The following JMJD1C variants were observed in gnomAD, a reference collection of about 807,000 sequenced individuals.
JMJD1C encodes jumonji domain containing 1C.
Under a neutral mutation model 245.3 loss-of-function variants are expected in JMJD1C, and 31 were observed. That is an observed-to-expected ratio of 0.13 (90% CI 0.09 to 0.17). The LOEUF is 0.17. Among genes scored for constraint, JMJD1C ranks in the 10% least tolerant of loss-of-function variants. The probability of loss-of-function intolerance (pLI) is 1.00; values close to 1 mark genes in which losing one functional copy is unlikely to be tolerated. For synonymous variants in JMJD1C, 1,057 were observed against 1,017.4 expected (o/e 1.04, Z -0.74); for missense variants, 2,691 against 3,000.2 (o/e 0.90, Z 2.41).
intron 3 of JMJD1C, among the ~76,000 whole-genome samples, chr10:63,263,213 C>T (rs1270909683): frequency 6.6e-6 from 1 of 152,028 alleles, no homozygotes; most frequent in Non-Finnish European, 1.5e-5. Flanking sequence ...AAACAAAGAA[C>T]AAAAGCTAAC....
intron 16 of JMJD1C, among the ~76,000 whole-genome samples, chr10:63,192,060 C>T (rs534278000): frequency 6.7e-6 from 1 of 149,702 alleles, no homozygotes; most frequent in East Asian, 2.0e-4. Context: ...ACTTCTAGTG[C>T]TCTGGTGGCT....
chr10:63,234,356 TTATGGTGCATGCCTG>T (rs1850395006), intron 3 of JMJD1C, among the ~76,000 whole-genome samples: 1 of 151,080 alleles, frequency 6.6e-6, no homozygotes, highest in African/African-American at 2.4e-5. Flanking sequence ...TAGGCAGGTG[TTATGGTGCATGCCTG>T]TAGTCCCAGC....
chr10:63,220,958 A>C (rs10761726), intron 3 of JMJD1C, among the ~76,000 whole-genome samples: 100,877 of 151,784 alleles, frequency 0.66, 36,119 homozygotes, highest in Non-Finnish European at 0.81. Flanking sequence ...AATACAAAAA[A>C]ATATTAGCTG....
At chr10:63,451,195 G>C (rs1230719275) in intron 1 of JMJD1C, among the ~76,000 whole-genome samples, 3 of 152,160 alleles carry the variant, frequency 2.0e-5, no homozygotes, top group Admixed American at 2.0e-4. Context: ...TAAGATATCA[G>C]CACTACCCAA....
intron 1 of JMJD1C, among the ~76,000 whole-genome samples, chr10:63,520,810 T>C (rs1955192801): frequency 6.6e-6 from 1 of 152,094 alleles, no homozygotes; most frequent in Admixed American, 6.5e-5. Context: ...AAACATGAAA[T>C]CCTCCTCTGT....
At chr10:63,411,958 C>G (rs1949513880) in intron 1 of JMJD1C, among the ~76,000 whole-genome samples, 1 of 148,524 alleles carries the variant, frequency 6.7e-6, no homozygotes, top group Non-Finnish European at 1.5e-5. Context: ...GCCATGTTGC[C>G]CAGACTGCTC....
intron 1 of JMJD1C, among the ~76,000 whole-genome samples, chr10:63,437,099 T>C (rs964187498): frequency 6.6e-6 from 1 of 152,178 alleles, no homozygotes; most frequent in Non-Finnish European, 1.5e-5. Flanking sequence ...CCAATCATCA[T>C]TAAATCCAAC....
At chr10:63,471,281 C>T (rs1020554379) in intron 1 of JMJD1C, among the ~76,000 whole-genome samples, 1 of 152,144 alleles carries the variant, frequency 6.6e-6, no homozygotes, top group African/African-American at 2.4e-5. Context: ...TGTATTAAAA[C>T]TATAAATGAA....
intron 2 of JMJD1C, among the ~76,000 whole-genome samples, chr10:63,266,265 T>C (rs1855560126): frequency 1.3e-5 from 2 of 152,128 alleles, no homozygotes; most frequent in African/African-American, 2.4e-5. Context: ...CTATTATTTA[T>C]CAAAATTACT....
At chr10:63,475,433 G>T (rs925011430) in intron 1 of JMJD1C, among the ~76,000 whole-genome samples, 5 of 152,150 alleles carry the variant, frequency 3.3e-5, no homozygotes, top group Non-Finnish European at 4.4e-5. Context: ...TCGGGTACTT[G>T]TCAAAAATGG....
chr10:63,234,447 T>A (rs1023465097), intron 3 of JMJD1C, among the ~76,000 whole-genome samples: 1 of 122,386 alleles, frequency 8.2e-6, no homozygotes, highest in East Asian at 2.6e-4. Context: ...TGAGCCACGA[T>A]CGCACCACTG....
intron 1 of JMJD1C, among the ~76,000 whole-genome samples, chr10:63,455,877 T>C (rs1196930628): frequency 6.6e-6 from 1 of 152,130 alleles, no homozygotes; most frequent in African/African-American, 2.4e-5. Context: ...TGAAAATAAA[T>C]GATATTTTAA....
At chr10:63,285,679 G>C (rs1221868552) in intron 2 of JMJD1C, among the ~76,000 whole-genome samples, 1 of 152,116 alleles carries the variant, frequency 6.6e-6, no homozygotes, top group East Asian at 1.9e-4. Context: ...GTGGTGGTGT[G>C]TGCCTCTAGT....
intron 1 of JMJD1C, among the ~76,000 whole-genome samples, chr10:63,401,685 T>C (rs750012299): frequency 1.9e-4 from 29 of 152,104 alleles, no homozygotes; most frequent in Non-Finnish European, 3.5e-4. Context: ...GGGGATTGTT[T>C]TATAAATATC....
intron 1 of JMJD1C, among the ~76,000 whole-genome samples, chr10:63,438,424 T>C (rs1024692581): frequency 6.6e-6 from 1 of 152,142 alleles, no homozygotes; most frequent in Non-Finnish European, 1.5e-5. Context: ...ATCGTTACAA[T>C]TGCCTCCTAA....
intron 2 of JMJD1C, among the ~76,000 whole-genome samples, chr10:63,350,971 GA>G (rs1234603330): frequency 2.0e-5 from 3 of 151,530 alleles, no homozygotes; most frequent in African/African-American, 7.3e-5. Flanking sequence ...CTGTATTTAT[GA>G]CTAGATATGT....
chr10:63,304,253 T>G (rs888775373), intron 2 of JMJD1C, among the ~76,000 whole-genome samples: 1 of 152,180 alleles, frequency 6.6e-6, no homozygotes, highest in Non-Finnish European at 1.5e-5. Context: ...CCTTAGCCAT[T>G]ATCAGAAATG....
chr10:63,495,490 G>A (rs1342443978), intron 1 of JMJD1C, among the ~76,000 whole-genome samples: 1 of 152,130 alleles, frequency 6.6e-6, no homozygotes, highest in African/African-American at 2.4e-5. Flanking sequence ...AAAATTGATA[G>A]GCTGCGAGTG....
chr10:63,450,274 C>T (rs1392444312), intron 1 of JMJD1C, among the ~76,000 whole-genome samples: 1 of 151,628 alleles, frequency 6.6e-6, no homozygotes, highest in East Asian at 1.9e-4. Context: ...GTAGTTCCTG[C>T]TAATTGGAAG....
Sources: gnomAD v4.1 joint callset for allele counts (sites outside exome capture counted in the v4.1 genomes callset) on GRCh38, gnomAD v4.1.1 for gene constraint, MANE v1.5 for transcripts, NCBI Gene and HGNC (gene_info 2026-07-23, HGNC 2026-07-21) for gene names.